TSPAN5: variants seen among roughly 807,000 people sequenced by gnomAD.
The protein encoded by TSPAN5 is tetraspanin 5, also known as tetraspanin-5.
A neutral mutation model predicts 37.1 loss-of-function variants in TSPAN5; 10 were observed. The ratio of observed to expected loss-of-function variants is 0.27; its 90% CI spans 0.17 to 0.46. The LOEUF is 0.46. TSPAN5 is among the 20% of genes least tolerant of loss of function. TSPAN5 has a pLI of 1.00. For synonymous variants in TSPAN5, 110 were observed against 118.9 expected (o/e 0.93, Z 0.48); for missense variants, 195 against 326.6 (o/e 0.60, Z 3.11).
intron 1 of TSPAN5, among the ~76,000 whole-genome samples, chr4:98,653,041 T>C (rs540075216): frequency 1.3e-5 from 2 of 152,332 alleles, no homozygotes; most frequent in East Asian, 3.9e-4. Context: ...ACTTTTCCCA[T>C]ATGACACTTT....
intron 1 of TSPAN5, among the ~76,000 whole-genome samples, chr4:98,560,973 A>G (rs1253164695): frequency 6.6e-6 from 1 of 152,258 alleles, no homozygotes; most frequent in Non-Finnish European, 1.5e-5. Context: ...TGCAGCTAGT[A>G]TAATGAGGTA....
At chr4:98,568,199 T>C (rs966930441) in intron 1 of TSPAN5, among the ~76,000 whole-genome samples, 9 of 152,168 alleles carry the variant, frequency 5.9e-5, no homozygotes, top group Non-Finnish European at 1.3e-4. Context: ...GAATGACTTA[T>C]GCTGGGGCTT....
intron 1 of TSPAN5, among the ~76,000 whole-genome samples, chr4:98,589,588 T>A (rs1333137742): frequency 6.6e-6 from 1 of 152,224 alleles, no homozygotes; most frequent in East Asian, 1.9e-4. Context: ...ATTAACTGGA[T>A]AATTGCTTCT....
chr4:98,537,559 A>G (rs1754262926), intron 1 of TSPAN5, among the ~76,000 whole-genome samples: 1 of 152,210 alleles, frequency 6.6e-6, no homozygotes, highest in Admixed American at 6.5e-5. Context: ...CTCATTAGGC[A>G]AGTGCCCCAT....
At chr4:98,516,647 T>C (rs1033120926) in intron 1 of TSPAN5, among the ~76,000 whole-genome samples, 11 of 152,144 alleles carry the variant, frequency 7.2e-5, no homozygotes, top group Middle Eastern at 3.2e-3. Flanking sequence ...CCCAATGTGG[T>C]GGTGTCAGAA....
At chr4:98,503,292 A>G (rs1753397487) in intron 2 of TSPAN5, among the ~76,000 whole-genome samples, 2 of 152,028 alleles carry the variant, frequency 1.3e-5, no homozygotes, top group Non-Finnish European at 2.9e-5. Flanking sequence ...ATCCAGCCAC[A>G]CTCTCTACAG....
intron 1 of TSPAN5, among the ~76,000 whole-genome samples, chr4:98,582,449 A>G (rs768052852): frequency 1.3e-5 from 2 of 152,248 alleles, no homozygotes; most frequent in African/African-American, 2.4e-5. Context: ...TGACATGTGC[A>G]CTAATAAAGA....
Position 98,498,407 on chromosome 4 carries a change from A to C in TSPAN5, c.132+9271T>G, listed in dbSNP as rs530889946. ...TCATACATATGTTTCTAAAATTTTA[A>C]GAAAAATATACACAATATGTTATAA... On this transcript the variant is annotated intron_variant, in intron 2 of 7. Transcript: ENST00000305798. Among the ~76,000 whole-genome samples, 20 of 152,322 alleles carry C rather than the reference A, an allele frequency of 1.3e-4. 1 individual carries two copies. Among genetic ancestry groups the C allele is most frequent in the African/African-American group, 4.8e-4 (20 of 41,572 alleles).
chr4:98,603,659 G>A (rs1579022780), intron 1 of TSPAN5, among the ~76,000 whole-genome samples: 2 of 152,298 alleles, frequency 1.3e-5, no homozygotes, highest in East Asian at 3.9e-4. Flanking sequence ...CCATCTCAGA[G>A]TGTTAGTGGA....
intron 2 of TSPAN5, chr4:98,496,295 A>G (rs1481324024): frequency 6.6e-6 from 1 of 152,258 alleles, no homozygotes; most frequent in Non-Finnish European, 1.5e-5. Flanking sequence ...ACATCCATCT[A>G]TCTAAGGAAC....
chr4:98,545,537 T>C (rs1754450714), intron 1 of TSPAN5, among the ~76,000 whole-genome samples: 2 of 149,056 alleles, frequency 1.3e-5, no homozygotes, highest in South Asian at 4.2e-4. Context: ...ACATAAGACT[T>C]TTTTTTTTTT....
chr4:98,577,303 A>G (rs2110190303), intron 1 of TSPAN5, among the ~76,000 whole-genome samples: 1 of 152,314 alleles, frequency 6.6e-6, no homozygotes, highest in African/African-American at 2.4e-5. Flanking sequence ...CTCATGCAGA[A>G]GTTACTGACA....
intron 1 of TSPAN5, among the ~76,000 whole-genome samples, chr4:98,508,156 G>A (rs1384287582): frequency 1.3e-5 from 2 of 152,204 alleles, no homozygotes; most frequent in African/African-American, 4.8e-5. Flanking sequence ...AATGGGCCAG[G>A]TCAGCGAGGG....
chr4:98,539,355 T>C (rs1456204180), intron 1 of TSPAN5, among the ~76,000 whole-genome samples: 2 of 152,142 alleles, frequency 1.3e-5, no homozygotes, highest in Admixed American at 1.3e-4. Flanking sequence ...AAACTCCTTA[T>C]CTTTTCTCAG....
intron 1 of TSPAN5, among the ~76,000 whole-genome samples, chr4:98,621,107 C>A (rs755968179): frequency 1.3e-5 from 2 of 152,052 alleles, no homozygotes; most frequent in African/African-American, 2.4e-5. Flanking sequence ...CACAAGGAGA[C>A]CACCATGTGA....
chr4:98,631,067 A>C (rs1756735290), intron 1 of TSPAN5, among the ~76,000 whole-genome samples: 1 of 152,218 alleles, frequency 6.6e-6, no homozygotes, highest in South Asian at 2.1e-4. Flanking sequence ...GAAAAAAATC[A>C]TGTAATTCTG....
At chr4:98,624,736 T>C (rs1022454495) in intron 1 of TSPAN5, among the ~76,000 whole-genome samples, 3 of 152,216 alleles carry the variant, frequency 2.0e-5, no homozygotes, top group Non-Finnish European at 4.4e-5. Flanking sequence ...TAGTAGTTAA[T>C]GGGGTAGAGC....
chr4:98,657,300 T>C (rs551706041), intron 1 of TSPAN5, among the ~76,000 whole-genome samples: 1 of 152,288 alleles, frequency 6.6e-6, no homozygotes, highest in East Asian at 1.9e-4. Context: ...CATTTGAATC[T>C]TGTGTTAAAG....
intron 1 of TSPAN5, among the ~76,000 whole-genome samples, chr4:98,618,304 A>C (rs545630497): frequency 6.6e-6 from 1 of 152,310 alleles, no homozygotes; most frequent in South Asian, 2.1e-4. Flanking sequence ...CAAAGTAGGA[A>C]TAATCACACT....
Sources: allele counts gnomAD v4.1 joint callset (sites outside exome capture counted in the v4.1 genomes callset), GRCh38; gene constraint gnomAD v4.1.1; transcripts MANE v1.5; gene names NCBI Gene and HGNC (gene_info 2026-07-23, HGNC 2026-07-21).